The following CFAP74 variants were observed in gnomAD, a reference collection of about 807,000 sequenced individuals.
The protein encoded by CFAP74 is cilia- and flagella-associated protein 74.
CFAP74 carries 124 observed loss-of-function variants against 188.9 expected under a neutral mutation model. That is an observed-to-expected ratio of 0.66 (90% CI 0.57 to 0.76). CFAP74 has a LOEUF of 0.76. CFAP74 is among the 30% of genes least tolerant of loss of function. The pLI is 0.00. For missense variants in CFAP74, 2,198 were observed against 2,165.2 expected, an observed-to-expected ratio of 1.02 and a Z score of -0.30; for synonymous variants, 956 against 916.7, an observed-to-expected ratio of 1.04 and a Z score of -0.77.
intron 13 of CFAP74, among the ~76,000 whole-genome samples, chr1:1,964,606 A>C (rs1196719211): frequency 6.6e-6 from 1 of 152,218 alleles, no homozygotes; most frequent in African/African-American, 2.4e-5. Flanking sequence ...CCTGGCCTAC[A>C]TGGTGAAACC....
At chr1:1,993,778 C>G (rs146217390) in intron 1 of CFAP74, among the ~76,000 whole-genome samples, 10 of 49,862 alleles carry the variant, frequency 2.0e-4, no homozygotes, top group Non-Finnish European at 3.1e-4. Flanking sequence ...GTCAGGAGAT[C>G]GAGACCATCC....
intron 16 of CFAP74, among the ~76,000 whole-genome samples, chr1:1,957,578 C>T (rs903058277): frequency 2.0e-5 from 3 of 152,206 alleles, no homozygotes; most frequent in African/African-American, 7.2e-5. Context: ...TCTCGGTGCT[C>T]CTGTCACAGA....
At chr1:1,987,110 T>C (rs771778452) in intron 4 of CFAP74, 75 bp from the exon 5 acceptor site, 2 of 1,273,370 alleles carry the variant, frequency 1.6e-6, no homozygotes, top group Non-Finnish European at 2.2e-6. Context: ...GGCGTGGCAA[T>C]GGGGCCAGGT....
chr1:1,934,409 C>T (rs1410258018), intron 25 of CFAP74, among the ~76,000 whole-genome samples: 3 of 120,672 alleles, frequency 2.5e-5, no homozygotes, highest in Middle Eastern at 5.9e-3. Context: ...TAGGTACACA[C>T]GTGTGTACAT....
At chr1:1,998,655 G>A (rs7542825) in intron 1 of CFAP74, among the ~76,000 whole-genome samples, 86,970 of 151,942 alleles carry the variant, frequency 0.57, 27,753 homozygotes, top group African/African-American at 0.87. Context: ...TGGGCAGATC[G>A]TGAGGTCAGG....
intron 14 of CFAP74, among the ~76,000 whole-genome samples, chr1:1,961,064 G>A (rs1655057156): frequency 6.6e-6 from 1 of 152,192 alleles, no homozygotes; most frequent in Non-Finnish European, 1.5e-5. Flanking sequence ...GAAACTTACT[G>A]AGCAATTTCA....
chr1:1,943,466 C>T (rs1018347671), intron 21 of CFAP74, among the ~76,000 whole-genome samples: 7 of 152,366 alleles, frequency 4.6e-5, no homozygotes, highest in East Asian at 1.9e-4. Flanking sequence ...GGCCGGTGCC[C>T]GGGGCCTCTG....
intron 23 of CFAP74, 55 bp from the exon 24 acceptor site, chr1:1,939,822 C>A: frequency 6.7e-7 from 1 of 1,483,746 alleles, no homozygotes; most frequent in Non-Finnish European, 9.1e-7. Flanking sequence ...TTACCAAGTG[C>A]TCCCCAAACT....
At chr1:1,966,234 G>T in intron 12 of CFAP74, 137 bp downstream of exon 12, 1 of 766,010 alleles carries the variant, frequency 1.3e-6, no homozygotes, top group Non-Finnish European at 2.0e-6. Flanking sequence ...CACAGGAGAG[G>T]GTGGCGGGAG....
At position 1,926,672 on chromosome 1, in the gene CFAP74, T is replaced by G. The variant is rs768487119; in HGVS notation, c.3752A>C (p.Asn1251Thr). Residue 1251 changes from asparagine to threonine, a missense_variant, in exon 30 of 39, where the codon AAC becomes ACC. By Grantham distance (65) the Asn-to-Thr change is moderately conservative (BLOSUM62 0). Transcript: ENST00000682832. ...CTCACCCACAGCGACGTCGCCGAAGTTAAAGATGGTCTTGCCTTTATGGGA... is the reference window on the plus strand; with the variant it reads ...CTCACCCACAGCGACGTCGCCGAAGGTAAAGATGGTCTTGCCTTTATGGGA... ...VTSHKGKTIF[N>T]FGDVAVGHRS... 6.5e-7 allele frequency: 1 copy of G among 1,550,028 alleles called. No individual in the cohort carries two copies. Among genetic ancestry groups the G allele is most frequent in the South Asian group, 1.2e-5 (1 of 84,062 alleles).
At position 1,928,968 on chromosome 1, in the gene CFAP74, C is replaced by T. The variant is rs1360970511; in HGVS notation, c.3289-86G>A. 8.4e-5 allele frequency: 72 copies of T among 854,512 alleles called. 2 individuals are homozygous for T. In the East Asian group the frequency reaches 1.7e-3, roughly 21 times the overall value. The allele number at this position is 854,512 out of a possible 1,614,324, so 52.9% of individuals were successfully genotyped here. On this transcript the variant is annotated intron_variant, in intron 26 of 38. Transcript: ENST00000682832. Reference sequence around the variant, plus strand: ...TGCGGGCACTCTACCGTCCTCTGCCCGTGGACTCCCCTCAAGGTCACCTCC... The same window carrying T: ...TGCGGGCACTCTACCGTCCTCTGCCTGTGGACTCCCCTCAAGGTCACCTCC...
rs1170818408 is a variant in CFAP74 at position 1,975,497 on chromosome 1, CCTCT to C, written c.501-1303_501-1300del. On this transcript the variant is annotated intron_variant, in intron 6 of 38. Coordinates refer to ENST00000682832, the MANE Select transcript of CFAP74 (RefSeq NM_001304360.2). The surrounding 1 kb of genome is among the most constrained non-coding windows in gnomAD (Gnocchi z 4.5). The stretch of plus-strand genomic sequence containing the variant: ...CCTCCTGAGATCGGGTTCTACTTTC[CCTCT>C]CTCGTACGCCCACTTGGTTTTGGCA... Among the ~76,000 whole-genome samples, 12 of 152,178 alleles carry C rather than the reference CCTCT, an allele frequency of 7.9e-5. No individual in the cohort carries two copies.
At chr1:1,957,276 C>T (rs909582145) in intron 16 of CFAP74, among the ~76,000 whole-genome samples, 5 of 152,214 alleles carry the variant, frequency 3.3e-5, no homozygotes, top group Non-Finnish European at 4.4e-5. Flanking sequence ...GGCCATACCT[C>T]GGCTCTGCCC....
chr1:1,954,951 T>A, intron 18 of CFAP74: 1 of 1,194,276 alleles, frequency 8.4e-7, no homozygotes, highest in South Asian at 1.6e-5. Context: ...AAGTGTGCAC[T>A]GGCAGAAGGA....
rs1467467186 is a variant in CFAP74, at chr1:1,926,824, G to A, written c.3663-63C>T. ...GCCCCCTGCCCGCCCAGGCCCCAGA[G>A]TTGGGCAGTAGCAGAGGGACAGCGC... On this transcript the variant is annotated intron_variant, in intron 29 of 38. Coordinates refer to ENST00000682832, the MANE Select transcript of CFAP74 (RefSeq NM_001304360.2). The A allele has an allele frequency of 2.6e-6, 4 of 1,548,590 alleles. No homozygotes were observed. In the East Asian group the frequency reaches 7.3e-5, roughly 28 times the overall value.
intron 8 of CFAP74, 60 bp downstream of exon 8, chr1:1,972,877 C>T: frequency 1.8e-6 from 2 of 1,094,812 alleles, no homozygotes; most frequent in East Asian, 2.4e-5. Context: ...CATTTCAAGA[C>T]AAAAGCAAGT....
chr1:1,959,014 T>A (rs551775887), intron 16 of CFAP74, 106 bp downstream of exon 16: 4 of 744,190 alleles, frequency 5.4e-6, no homozygotes, highest in Non-Finnish European at 9.2e-6. Context: ...AGCTTCCACC[T>A]GGTCCCCCCG....
intron 28 of CFAP74, 70 bp downstream of exon 28, chr1:1,927,537 C>G: frequency 7.0e-7 from 1 of 1,420,648 alleles, no homozygotes; most frequent in African/African-American, 1.4e-5. Flanking sequence ...GGGGACTCTA[C>G]AGGGGCCACA....
intron 1 of CFAP74, among the ~76,000 whole-genome samples, chr1:1,997,156 C>T (rs189932080): frequency 7.9e-5 from 12 of 152,176 alleles, no homozygotes; most frequent in African/African-American, 1.4e-4. Context: ...GGCGCGGTGG[C>T]GCACGCCTGT....
Sources: allele counts gnomAD v4.1 joint callset (sites outside exome capture counted in the v4.1 genomes callset), GRCh38; gene constraint gnomAD v4.1.1; non-coding constraint Gnocchi (gnomAD v3.1); transcripts MANE v1.5; gene names NCBI Gene and HGNC (gene_info 2026-07-23, HGNC 2026-07-21).